The following PRDM5 variants were observed in gnomAD, a reference collection of about 807,000 sequenced individuals.
PRDM5 encodes the protein PR/SET domain 5.
PRDM5 carries 56 observed loss-of-function variants against 81.2 expected under a neutral mutation model. That is an observed-to-expected ratio of 0.69 (90% CI 0.56 to 0.86). The LOEUF is 0.86. Ranked by LOEUF, PRDM5 falls within the 40% of genes least tolerant of loss-of-function variation. The pLI is 0.00. For synonymous variants in PRDM5, 267 were observed against 256.4 expected (o/e 1.04, Z -0.39); for missense variants, 697 against 770.1 (o/e 0.91, Z 1.12).
At chr4:120,702,804 T>A (rs545443498) in intron 15 of PRDM5, among the ~76,000 whole-genome samples, 1 of 152,340 alleles carries the variant, frequency 6.6e-6, no homozygotes, top group East Asian at 1.9e-4. Flanking sequence ...TTTATTCCCA[T>A]GTTCTATTTC....
chr4:120,907,540 G>A lies in PRDM5; in HGVS notation c.111C>T (p.Pro37=). 1 of 1,612,016 alleles carries A rather than the reference G, an allele frequency of 6.2e-7. No homozygotes were observed. The change falls in exon 2 of 16, where the codon CCC becomes CCT. Residue 37 remains proline, a synonymous_variant. Transcript: ENST00000264808. Reference sequence around the variant, plus strand: ...CAGGCATTCTCTTCTCTCCAGCAAAGGGTCCGAACTTTTCACCCTGAGTAG... The same window carrying A: ...CAGGCATTCTCTTCTCTCCAGCAAAAGGTCCGAACTTTTCACCCTGAGTAG... ...RRVRKGEKFG[P]FAGEKRMPED...
intron 2 of PRDM5, among the ~76,000 whole-genome samples, chr4:120,865,913 CTTG>C (rs1368137064): frequency 3.3e-5 from 5 of 151,042 alleles, no homozygotes; most frequent in Admixed American, 2.0e-4. Context: ...CTCAACTTTT[CTTG>C]TTAAGATGTC....
intron 1 of PRDM5, among the ~76,000 whole-genome samples, chr4:120,686,072 G>A (rs147051883): frequency 2.6e-5 from 4 of 151,958 alleles, no homozygotes; most frequent in African/African-American, 4.8e-5. Context: ...TCTTGCTCCC[G>A]CTCTGGCCAT....
chr4:120,848,600 C>A (rs1449820678), intron 3 of PRDM5, among the ~76,000 whole-genome samples: 1 of 152,158 alleles, frequency 6.6e-6, no homozygotes, highest in African/African-American at 2.4e-5. Flanking sequence ...AACTGGCATG[C>A]AGTAAGCATT....
chr4:120,774,888 C>A (rs75046578), intron 13 of PRDM5, among the ~76,000 whole-genome samples: 26 of 129,356 alleles, frequency 2.0e-4, no homozygotes, highest in African/African-American at 5.3e-4. Flanking sequence ...CTCTCTCTTT[C>A]TATATATATA....
chr4:120,770,215 G>C (rs1324306573), intron 13 of PRDM5, among the ~76,000 whole-genome samples: 1 of 152,066 alleles, frequency 6.6e-6, no homozygotes, highest in Non-Finnish European at 1.5e-5. Context: ...TTTTAGTAGA[G>C]ACGGGGTTTC....
chr4:120,815,637 C>T (rs1378084975), intron 7 of PRDM5, among the ~76,000 whole-genome samples: 1 of 152,164 alleles, frequency 6.6e-6, no homozygotes, highest in Non-Finnish European at 1.5e-5. Flanking sequence ...CCACTTTCCC[C>T]CACATCCAGA....
chr4:120,727,106 C>T (rs1371194826), intron 14 of PRDM5, among the ~76,000 whole-genome samples: 2 of 152,016 alleles, frequency 1.3e-5, no homozygotes, highest in East Asian at 1.9e-4. Flanking sequence ...AATTTTAGTC[C>T]CTTCACTCTG....
chr4:120,734,388 T>G (rs1162366201), intron 14 of PRDM5, among the ~76,000 whole-genome samples: 1 of 107,658 alleles, frequency 9.3e-6, no homozygotes, highest in African/African-American at 3.9e-5. Context: ...GAGATGTTAG[T>G]GGAACACACA....
chr4:120,727,769 G>C (rs1256681619), intron 14 of PRDM5, among the ~76,000 whole-genome samples: 1 of 151,770 alleles, frequency 6.6e-6, no homozygotes, highest in African/African-American at 2.4e-5. Flanking sequence ...AACCCCGACT[G>C]TACTAAAAAT....
chr4:120,734,277 C>T (rs550165724), intron 14 of PRDM5, among the ~76,000 whole-genome samples: 21 of 151,370 alleles, frequency 1.4e-4, no homozygotes, highest in African/African-American at 4.9e-4. Flanking sequence ...GCAACTGAGA[C>T]AGTTGATCAA....
chr4:120,687,117 A>G (rs937451662), downstream of PRDM5, among the ~76,000 whole-genome samples: 1 of 152,056 alleles, frequency 6.6e-6, no homozygotes, highest in African/African-American at 2.4e-5. Context: ...TATTTTTAGA[A>G]GAGTATTATT....
chr4:120,814,593 A>C (rs555566781), intron 7 of PRDM5, among the ~76,000 whole-genome samples: 26 of 152,312 alleles, frequency 1.7e-4, no homozygotes, highest in African/African-American at 6.3e-4. Flanking sequence ...TCCTCAATTC[A>C]TATCACCTTA....
At chr4:120,729,922 A>T (rs1227955790) in intron 14 of PRDM5, among the ~76,000 whole-genome samples, 2 of 152,222 alleles carry the variant, frequency 1.3e-5, no homozygotes, top group African/African-American at 4.8e-5. Flanking sequence ...AGGACCATGT[A>T]CTGAGGGAGT....
At chr4:120,881,876 G>A (rs563098518) in intron 2 of PRDM5, among the ~76,000 whole-genome samples, 1 of 152,224 alleles carries the variant, frequency 6.6e-6, no homozygotes, top group African/African-American at 2.4e-5. Flanking sequence ...TCATACTTCT[G>A]CAACAAAATT....
At chr4:120,823,705 A>G (rs1442206617) in intron 3 of PRDM5, among the ~76,000 whole-genome samples, 1 of 152,170 alleles carries the variant, frequency 6.6e-6, no homozygotes, top group Non-Finnish European at 1.5e-5. Context: ...TAATTTCTGG[A>G]GCCATTTTGT....
chr4:120,756,546 A>G (rs181360061), intron 13 of PRDM5, among the ~76,000 whole-genome samples: 2 of 152,334 alleles, frequency 1.3e-5, no homozygotes, highest in African/African-American at 4.8e-5. Flanking sequence ...CAGTAACAGC[A>G]TCAGCAGCAA....
intron 2 of PRDM5, among the ~76,000 whole-genome samples, chr4:120,860,417 C>CA (rs1416522410): frequency 5.3e-5 from 8 of 151,874 alleles, no homozygotes; most frequent in Admixed American, 1.3e-4. Flanking sequence ...AAATACCTGA[C>CA]AAAAAATGAA....
At chr4:120,871,001 A>G (rs1182300627) in intron 2 of PRDM5, among the ~76,000 whole-genome samples, 1 of 152,128 alleles carries the variant, frequency 6.6e-6, no homozygotes, top group African/African-American at 2.4e-5. Flanking sequence ...TTTCCCCTCC[A>G]GTAGAAGACT....
Sources: gnomAD v4.1 joint callset for allele counts (sites outside exome capture counted in the v4.1 genomes callset) on GRCh38, gnomAD v4.1.1 for gene constraint, MANE v1.5 for transcripts, NCBI Gene and HGNC (gene_info 2026-07-23, HGNC 2026-07-21) for gene names.